Variants in ADORA2B observed in about 807,000 individuals in gnomAD.
The protein encoded by ADORA2B is adenosine receptor A2b.
In ADORA2B, 18 loss-of-function variants were observed where a neutral mutation model predicts 20.8. That is an observed-to-expected ratio of 0.87 (90% CI 0.60 to 1.29). The LOEUF is 1.29. ADORA2B is among the 50% of genes most tolerant of loss of function. The probability of loss-of-function intolerance (pLI) is 0.00; values close to 1 mark genes in which losing one functional copy is unlikely to be tolerated. For synonymous variants in ADORA2B, 179 were observed against 178.3 expected, an observed-to-expected ratio of 1.00 and a Z score of -0.03; for missense variants, 441 against 422.7, an observed-to-expected ratio of 1.04 and a Z score of -0.38.
intron 1 of ADORA2B, among the ~76,000 whole-genome samples, chr17:15,957,468 G>C (rs1232626403): frequency 1.3e-5 from 2 of 152,186 alleles, no homozygotes; most frequent in African/African-American, 4.8e-5. Flanking sequence ...CAGGGCACAC[G>C]GGACAGGTTC....
chr17:15,876,198 T>G, the ADORA2B span, among the ~76,000 whole-genome samples: 924 of 152,344 alleles, frequency 6.1e-3, 5 homozygotes, highest in Middle Eastern at 0.027. Flanking sequence ...TAATGCTTGA[T>G]GGTTTCCTTG....
chr17:15,949,063 C>A (rs1040972432), intron 1 of ADORA2B, among the ~76,000 whole-genome samples: 10 of 151,932 alleles, frequency 6.6e-5, no homozygotes, highest in Admixed American at 3.9e-4. Flanking sequence ...TAAAAATTAG[C>A]TGGGTGTGGT....
At chr17:15,913,037 A>C in the ADORA2B span, among the ~76,000 whole-genome samples, 1 of 152,194 alleles carries the variant, frequency 6.6e-6, no homozygotes, top group Non-Finnish European at 1.5e-5. Context: ...GTATTAAATG[A>C]GGTGTCAGGT....
chr17:15,868,544 G>A, the ADORA2B span, among the ~76,000 whole-genome samples: 1 of 137,360 alleles, frequency 7.3e-6, no homozygotes, highest in East Asian at 2.1e-4. Flanking sequence ...AGGCCGAGGC[G>A]GGCGGATAAC....
At chr17:15,868,946 G>C in the ADORA2B span, among the ~76,000 whole-genome samples, 7 of 151,208 alleles carry the variant, frequency 4.6e-5, no homozygotes, top group Non-Finnish European at 1.0e-4. Flanking sequence ...TACATCGGGT[G>C]GAGTAGGAGC....
intron 1 of ADORA2B, among the ~76,000 whole-genome samples, chr17:15,957,470 G>C (rs1037219375): frequency 1.3e-5 from 2 of 152,220 alleles, no homozygotes; most frequent in Non-Finnish European, 2.9e-5. Context: ...GGGCACACGG[G>C]ACAGGTTCAA....
chr17:15,873,770 A>G, the ADORA2B span, among the ~76,000 whole-genome samples: 1 of 152,180 alleles, frequency 6.6e-6, no homozygotes, highest in African/African-American at 2.4e-5. Context: ...TGTGGGGAAA[A>G]GGGAACGCTT....
intron 1 of ADORA2B, among the ~76,000 whole-genome samples, chr17:15,967,863 G>A (rs1323197203): frequency 6.6e-6 from 1 of 152,092 alleles, no homozygotes; most frequent in Non-Finnish European, 1.5e-5. Flanking sequence ...CATGACTCAA[G>A]CATGGACAAC....
At chr17:15,972,491 TAA>T (rs1970201318) in intron 1 of ADORA2B, among the ~76,000 whole-genome samples, 1 of 152,232 alleles carries the variant, frequency 6.6e-6, no homozygotes, top group Admixed American at 6.5e-5. Context: ...ACCTTTGCTA[TAA>T]ACCATGGATA....
chr17:15,872,745 A>G, the ADORA2B span, among the ~76,000 whole-genome samples: 6 of 152,168 alleles, frequency 3.9e-5, no homozygotes, highest in Non-Finnish European at 4.4e-5. Context: ...CTTTGTGTAC[A>G]TTGATTTTGT....
chr17:15,866,031 G>T, the ADORA2B span, among the ~76,000 whole-genome samples: 1 of 151,146 alleles, frequency 6.6e-6, no homozygotes, highest in South Asian at 2.1e-4. Context: ...CCCATTGTAG[G>T]ATTATAGCAT....
intron 1 of ADORA2B, among the ~76,000 whole-genome samples, chr17:15,968,885 G>T (rs1285668148): frequency 6.6e-6 from 1 of 152,188 alleles, no homozygotes; most frequent in Non-Finnish European, 1.5e-5. Context: ...TGTCCGGACA[G>T]CTGGGGGAGG....
At chr17:15,890,802 C>G in the ADORA2B span, among the ~76,000 whole-genome samples, 1 of 152,144 alleles carries the variant, frequency 6.6e-6, no homozygotes, top group Non-Finnish European at 1.5e-5. Context: ...GCCGAAGCAG[C>G]CCATTTTATG....
the ADORA2B span, among the ~76,000 whole-genome samples, chr17:15,893,222 C>T: frequency 6.6e-6 from 1 of 152,192 alleles, no homozygotes; most frequent in Non-Finnish European, 1.5e-5. Context: ...GGAATGTTAA[C>T]CTTTTTTATA....
the ADORA2B span, among the ~76,000 whole-genome samples, chr17:15,874,784 A>G: frequency 1.7e-3 from 253 of 152,178 alleles, no homozygotes; most frequent in Middle Eastern, 0.017. Context: ...AAATTTTTGT[A>G]AAATAAGTTC....
At chr17:15,884,898 T>C in the ADORA2B span, among the ~76,000 whole-genome samples, 1 of 152,232 alleles carries the variant, frequency 6.6e-6, no homozygotes, top group Admixed American at 6.5e-5. Flanking sequence ...CCTGTATCTT[T>C]GTGATAGAAT....
At chr17:15,911,928 G>A in the ADORA2B span, among the ~76,000 whole-genome samples, 1 of 152,080 alleles carries the variant, frequency 6.6e-6, no homozygotes, top group African/African-American at 2.4e-5. Context: ...AATTAGCCAG[G>A]CCAGCTGAGT....
chr17:15,874,080 ATG>A, the ADORA2B span, among the ~76,000 whole-genome samples: 1 of 138,890 alleles, frequency 7.2e-6, no homozygotes, highest in African/African-American at 3.0e-5. Flanking sequence ...ATATATATAT[ATG>A]TATATATATG....
At chr17:15,862,850 G>T in the ADORA2B span, among the ~76,000 whole-genome samples, 1 of 145,402 alleles carries the variant, frequency 6.9e-6, no homozygotes, top group Non-Finnish European at 1.5e-5. Context: ...TGCAACCTCT[G>T]CCTCGGGTTC....
Sources: gnomAD v4.1 joint callset for allele counts (sites outside exome capture counted in the v4.1 genomes callset) on GRCh38, gnomAD v4.1.1 for gene constraint, MANE v1.5 for transcripts, NCBI Gene and HGNC (gene_info 2026-07-23, HGNC 2026-07-21) for gene names.